The following DNAH5 variants were observed in gnomAD, a reference collection of about 807,000 sequenced individuals.
DNAH5 encodes the protein axonemal beta dynein heavy chain 5.
In DNAH5, 372 loss-of-function variants were observed where a neutral mutation model predicts 518.2. That is an observed-to-expected ratio of 0.72 (90% CI 0.66 to 0.78). The LOEUF is 0.78. Ranked by LOEUF, DNAH5 falls within the 30% of genes least tolerant of loss-of-function variation. DNAH5 has a pLI of 0.00. For synonymous variants in DNAH5, 2,039 were observed against 2,025.9 expected (o/e 1.01, Z -0.17); for missense variants, 5,523 against 5,687.0 (o/e 0.97, Z 0.93).
At chr5:13,916,498 C>T in intron 8 of DNAH5, 43 bp from the exon 9 acceptor site, 1 of 1,073,372 alleles carries the variant, frequency 9.3e-7, no homozygotes. Context: ...TCATCAAATT[C>T]AGCAAAATTC....
chr5:13,881,931 T>G (rs1177819821), intron 21 of DNAH5, among the ~76,000 whole-genome samples: 3 of 152,010 alleles, frequency 2.0e-5, no homozygotes, highest in Admixed American at 6.6e-5. Flanking sequence ...GACAAATCCT[T>G]AGCTAGACTA....
At chr5:13,946,129 C>T (rs1779892949), upstream of DNAH5, among the ~76,000 whole-genome samples, 2 of 152,318 alleles carry the variant, frequency 1.3e-5, no homozygotes, top group South Asian at 4.2e-4. Flanking sequence ...TGTTACAATT[C>T]ATTACATCGC....
At chr5:13,809,260 G>C in intron 45 of DNAH5, 74 bp from the exon 46 acceptor site, 3 of 1,550,058 alleles carry the variant, frequency 1.9e-6, no homozygotes. Flanking sequence ...AGACATCCTT[G>C]AAATCTTATG....
Position 13,839,351 on chromosome 5 carries a change from A to T in DNAH5, c.5882+5T>A. The T allele has an allele frequency of 6.2e-7, 1 of 1,613,876 alleles. No homozygotes were observed. The highest frequency in any genetic ancestry group is 8.5e-7 in the Non-Finnish European group (1 of 1,179,804). ...GGTGGGGGTTGGGGAGAAGGGTTCC[A>T]TCACCTGTCTGTAAGTGGAGTTATT... On this transcript the variant is annotated splice_donor_5th_base_variant and intron_variant, in intron 35 of 78. Coordinates refer to ENST00000265104, the MANE Select transcript of DNAH5 (RefSeq NM_001369.3).
At position 13,701,313 on chromosome 5, in the gene DNAH5, G is replaced by A. The variant is rs113425437; in HGVS notation, c.13462C>T (p.Pro4488Ser). The change falls in exon 77 of 79, where the codon CCC becomes TCC. Residue 4488 changes from proline to serine, a missense_variant. By Grantham distance (74) the Pro-to-Ser change is moderately conservative. Around this residue, in one of 3 missense-constraint regions of DNAH5, gnomAD observed 387 missense variants for 430.0 expected, o/e 0.90. Transcript: ENST00000265104. ...HCFWMTGFFNPQGFLTAMRQE... is the reference protein window; with the variant it reads ...HCFWMTGFFNSQGFLTAMRQE... ...CGCATTGCAGTTAAAAATCCCTGGGGGTTAAAAAAACCCGTCATCCAAAAG... is the reference window on the plus strand; with the variant it reads ...CGCATTGCAGTTAAAAATCCCTGGGAGTTAAAAAAACCCGTCATCCAAAAG... The A allele has an allele frequency of 3.1e-6, 5 of 1,613,834 alleles. No individual in the cohort carries two copies. Among genetic ancestry groups the A allele is most frequent in the South Asian group, 2.2e-5 (2 of 91,072 alleles).
intron 73 of DNAH5, among the ~76,000 whole-genome samples, chr5:13,716,949 G>T (rs915274228): frequency 3.3e-5 from 5 of 152,130 alleles, no homozygotes; most frequent in African/African-American, 1.2e-4. Context: ...AATAGTGTTT[G>T]CTTTTTGAGG....
chr5:13,942,819 C>T (rs922016765), intron 1 of DNAH5, among the ~76,000 whole-genome samples: 2 of 152,160 alleles, frequency 1.3e-5, no homozygotes, highest in African/African-American at 2.4e-5. Context: ...ACAGTTGAGC[C>T]CAATCTCTCC....
Position 13,829,186 on chromosome 5 carries a change from A to G in DNAH5, c.6444+324T>C, listed in dbSNP as rs529359194. Among the ~76,000 whole-genome samples the G allele has an allele frequency of 2.0e-5, 3 of 152,358 alleles. No individual in the cohort carries two copies. The South Asian group carries it at 6.2e-4, about 32-fold the overall frequency. ...AAGAATAAATCATTGGGAGGTTCCT[A>G]CAAATCATGAAAATACATAACACAT... On this transcript the variant is annotated intron_variant, in intron 38 of 78. Transcript: ENST00000265104.
intron 78 of DNAH5, among the ~76,000 whole-genome samples, chr5:13,696,641 C>T (rs1741436435): frequency 6.6e-6 from 1 of 152,128 alleles, no homozygotes; most frequent in Non-Finnish European, 1.5e-5. Context: ...AATGATGCTA[C>T]ACACCCCTTT....
chr5:13,982,782 T>C (rs1782782596), intron 1 of DNAH5, among the ~76,000 whole-genome samples: 1 of 152,284 alleles, frequency 6.6e-6, no homozygotes, highest in South Asian at 2.1e-4. Flanking sequence ...TCCTTCTGCC[T>C]TTTTGCAAGA....
intron 29 of DNAH5, among the ~76,000 whole-genome samples, chr5:13,860,031 C>T (rs1468668682): frequency 2.0e-5 from 3 of 152,130 alleles, no homozygotes; most frequent in Non-Finnish European, 4.4e-5. Flanking sequence ...ACAACTAATT[C>T]AATCTTCAAA....
intron 78 of DNAH5, among the ~76,000 whole-genome samples, chr5:13,692,494 C>A (rs1740830239): frequency 6.6e-6 from 1 of 152,202 alleles, no homozygotes; most frequent in African/African-American, 2.4e-5. Context: ...AGCACACACA[C>A]ATCTACTTTT....
chr5:13,759,029 A>G, intron 60 of DNAH5, 46 bp from the exon 61 acceptor site: 3 of 1,612,524 alleles, frequency 1.9e-6, no homozygotes, highest in Non-Finnish European at 1.7e-6. Context: ...GCCAACCTCA[A>G]AACATCCTGC....
At chr5:13,783,608 T>C (rs1170842401) in intron 52 of DNAH5, among the ~76,000 whole-genome samples, 1 of 152,078 alleles carries the variant, frequency 6.6e-6, no homozygotes, top group African/African-American at 2.4e-5. Flanking sequence ...AACTAGATCA[T>C]GCAAAACCAT....
In DNAH5 at chr5:13,690,769, A is replaced by G. The variant is rs1740617687; in HGVS notation, c.*1215T>C. 6.6e-6 allele frequency: 1 copy of G among 152,236 alleles called. No homozygotes were observed. Among genetic ancestry groups the G allele is most frequent in the South Asian group, 2.1e-4 (1 of 4,834 alleles). The allele number at this position is 152,236 out of a possible 1,614,324, so 9.4% of individuals were successfully genotyped here. ...CCAGAATTTAAAGAAAAATACGTGA[A>G]AAGTTCCTTTGATAATGTTTCCTAA... On this transcript the variant is annotated 3_prime_UTR_variant, in exon 79 of 79. Transcript: ENST00000265104.
chr5:13,732,754 C>A (rs1458423181), intron 68 of DNAH5, among the ~76,000 whole-genome samples: 1 of 152,108 alleles, frequency 6.6e-6, no homozygotes, highest in Non-Finnish European at 1.5e-5. Context: ...CCATCTCATG[C>A]CATAACCTTG....
chr5:13,749,281 T>G (rs914283139), intron 65 of DNAH5, among the ~76,000 whole-genome samples: 3 of 152,158 alleles, frequency 2.0e-5, no homozygotes, highest in Non-Finnish European at 4.4e-5. Context: ...TTCTGGCTGA[T>G]CATTTTGTAA....
chr5:13,900,083 C>T (rs1025374247), intron 15 of DNAH5, 123 bp downstream of exon 15: 2 of 893,150 alleles, frequency 2.2e-6, no homozygotes, highest in South Asian at 1.6e-5. Flanking sequence ...ATGGCACTGT[C>T]CCCTCAGTCA....
chr5:13,871,815 C>T (rs775309602), intron 22 of DNAH5, 50 bp from the exon 23 acceptor site: 10 of 1,510,462 alleles, frequency 6.6e-6, no homozygotes, highest in African/African-American at 4.1e-5. Context: ...CTGAAAGGCA[C>T]AATGATATAA....
Sources: allele counts gnomAD v4.1 joint callset (sites outside exome capture counted in the v4.1 genomes callset), GRCh38; gene constraint gnomAD v4.1.1; regional missense constraint gnomAD v4.1.1; transcripts MANE v1.5; gene names NCBI Gene and HGNC (gene_info 2026-07-23, HGNC 2026-07-21).